Variants in ULK4 observed in about 807,000 individuals in gnomAD.
ULK4 encodes inactive serine/threonine-protein kinase ULK4.
In ULK4, 133 loss-of-function variants were observed where a neutral mutation model predicts 160.6. The ratio of observed to expected loss-of-function variants is 0.83; its 90% CI spans 0.72 to 0.96. The LOEUF (loss-of-function observed/expected upper bound fraction) is 0.96. Ranked by LOEUF, ULK4 falls within the 40% of genes least tolerant of loss-of-function variation. ULK4 has a pLI of 0.00. For synonymous variants in ULK4, 534 were observed against 539.8 expected (o/e 0.99, Z 0.15); for missense variants, 1,580 against 1,499.5 (o/e 1.05, Z -0.89).
intron 32 of ULK4, among the ~76,000 whole-genome samples, chr3:41,467,105 G>A (rs1171889934): frequency 6.6e-6 from 1 of 152,144 alleles, no homozygotes; most frequent in Non-Finnish European, 1.5e-5. Flanking sequence ...ATGAAAAACA[G>A]TTGGCATTTT....
At chr3:41,672,718 T>A (rs577196033) in intron 29 of ULK4, among the ~76,000 whole-genome samples, 29 of 152,286 alleles carry the variant, frequency 1.9e-4, no homozygotes, top group African/African-American at 6.7e-4. Flanking sequence ...TACTGACACA[T>A]AGAAATGCTA....
intron 34 of ULK4, among the ~76,000 whole-genome samples, chr3:41,415,395 A>G (rs2082501195): frequency 6.6e-6 from 1 of 152,056 alleles, no homozygotes; most frequent in East Asian, 1.9e-4. Flanking sequence ...TGCTCCTACA[A>G]TCTTGTGCCC....
chr3:41,902,742 T>C (rs1698420980), intron 12 of ULK4, among the ~76,000 whole-genome samples: 1 of 151,858 alleles, frequency 6.6e-6, no homozygotes, highest in African/African-American at 2.4e-5. Flanking sequence ...AAAAAAAAGA[T>C]GGACTTTAAA....
intron 2 of ULK4, among the ~76,000 whole-genome samples, chr3:41,946,685 C>T (rs964720330): frequency 1.3e-5 from 2 of 152,190 alleles, no homozygotes; most frequent in Admixed American, 1.3e-4. Flanking sequence ...TTATATCCAG[C>T]ATTTGTAGTG....
intron 35 of ULK4, among the ~76,000 whole-genome samples, chr3:41,292,334 A>T (rs2079583415): frequency 6.6e-6 from 1 of 152,318 alleles, no homozygotes; most frequent in African/African-American, 2.4e-5. Context: ...AGAAGGATCA[A>T]ATGACTTGCC....
chr3:41,913,892 G>A (rs1158797160), intron 8 of ULK4, among the ~76,000 whole-genome samples: 1 of 152,158 alleles, frequency 6.6e-6, no homozygotes, highest in Non-Finnish European at 1.5e-5. Context: ...GAGCCTGGGA[G>A]GGAGAGGTTG....
At chr3:41,748,230 T>A (rs1575644658) in intron 22 of ULK4, among the ~76,000 whole-genome samples, 3 of 149,876 alleles carry the variant, frequency 2.0e-5, no homozygotes, top group African/African-American at 7.4e-5. Context: ...CATATATATA[T>A]ACACACACAC....
At chr3:41,918,633 G>A in intron 6 of ULK4, 93 bp from the exon 7 acceptor site, 1 of 625,542 alleles carries the variant, frequency 1.6e-6, no homozygotes, top group Non-Finnish European at 2.3e-6. Context: ...ATGGAGTCTT[G>A]CTCTGTCACC....
chr3:41,721,333 AATATATATAT>A (rs71075483), intron 22 of ULK4, among the ~76,000 whole-genome samples: 12 of 26,950 alleles, frequency 4.5e-4, no homozygotes, highest in Non-Finnish European at 7.4e-4. Flanking sequence ...TTTTAATGTA[AATATATATAT>A]ATATATATAT....
At chr3:41,274,961 T>G (rs1373036371) in intron 35 of ULK4, among the ~76,000 whole-genome samples, 4 of 152,184 alleles carry the variant, frequency 2.6e-5, no homozygotes, top group Non-Finnish European at 5.9e-5. Context: ...CTACTAATGA[T>G]TCTATGTGGG....
At chr3:41,773,050 A>C (rs1460067023) in intron 21 of ULK4, among the ~76,000 whole-genome samples, 2 of 152,250 alleles carry the variant, frequency 1.3e-5, no homozygotes, top group African/African-American at 2.4e-5. Flanking sequence ...TCAATAAATT[A>C]GGTACTGATG....
At chr3:41,683,726 C>T (rs914858100) in intron 27 of ULK4, among the ~76,000 whole-genome samples, 1 of 152,046 alleles carries the variant, frequency 6.6e-6, no homozygotes. Flanking sequence ...ACCCATGTGG[C>T]ACTGGTTCAA....
chr3:41,818,729 T>A (rs1053735094), intron 19 of ULK4, among the ~76,000 whole-genome samples: 4 of 152,198 alleles, frequency 2.6e-5, no homozygotes, highest in African/African-American at 9.7e-5. Context: ...TCCTGATATA[T>A]CTTTCTCATT....
Position 41,905,915 on chromosome 3 carries a change from A to T in ULK4, c.1182+1930T>A, listed in dbSNP as rs1417899422. Among the ~76,000 whole-genome samples, 5 of 152,066 alleles carry T rather than the reference A, an allele frequency of 3.3e-5. No individual in the cohort carries two copies. In the East Asian group the frequency reaches 9.6e-4, roughly 29 times the overall value. On this transcript the variant is annotated intron_variant, in intron 12 of 36. Coordinates refer to ENST00000301831, the MANE Select transcript of ULK4 (RefSeq NM_017886.4). The stretch of plus-strand genomic sequence containing the variant: ...CATGGTGAAACCTGTCTCTACTAAA[A>T]ATACAAAAATTAGCCAGGTGGGCCG...
chr3:41,835,527 C>A (rs2041727850), intron 18 of ULK4, among the ~76,000 whole-genome samples: 1 of 152,144 alleles, frequency 6.6e-6, no homozygotes, highest in Admixed American at 6.6e-5. Context: ...ATGGAAAGAA[C>A]CAATGGTCTC....
At chr3:41,815,590 T>C (rs921636086) in intron 19 of ULK4, among the ~76,000 whole-genome samples, 2 of 152,190 alleles carry the variant, frequency 1.3e-5, no homozygotes, top group African/African-American at 4.8e-5. Flanking sequence ...TTGTGGGATT[T>C]CCCTCCTGCA....
chr3:41,489,152 C>CTAG (rs534611804), intron 32 of ULK4, among the ~76,000 whole-genome samples: 190 of 152,280 alleles, frequency 1.2e-3, no homozygotes, highest in African/African-American at 4.2e-3. Context: ...AAACCTTCAA[C>CTAG]TAGTGCTCCC....
At chr3:41,440,498 G>A (rs776974135) in intron 34 of ULK4, among the ~76,000 whole-genome samples, 16 of 152,044 alleles carry the variant, frequency 1.1e-4, no homozygotes, top group Non-Finnish European at 2.1e-4. Flanking sequence ...CTGCATTACT[G>A]GGATAAATCC....
At chr3:41,253,946 C>T (rs1367303840) in intron 35 of ULK4, among the ~76,000 whole-genome samples, 1 of 152,134 alleles carries the variant, frequency 6.6e-6, no homozygotes, top group Non-Finnish European at 1.5e-5. Context: ...ACCAAGAAGA[C>T]ATAACAATAA....
Sources: gnomAD v4.1 joint callset for allele counts (sites outside exome capture counted in the v4.1 genomes callset) on GRCh38, gnomAD v4.1.1 for gene constraint, MANE v1.5 for transcripts, NCBI Gene and HGNC (gene_info 2026-07-23, HGNC 2026-07-21) for gene names.